Variants in NHSL2 observed in about 807,000 individuals in gnomAD.
The protein encoded by NHSL2 is NHS-like protein 2.
Under a neutral mutation model 53.4 loss-of-function variants are expected in NHSL2, and 27 were observed. The ratio of observed to expected loss-of-function variants is 0.51; its 90% CI spans 0.37 to 0.70. The LOEUF is 0.70. Ranked by LOEUF, NHSL2 falls within the 30% of genes least tolerant of loss-of-function variation. NHSL2 has a pLI of 0.00. For synonymous variants in NHSL2, 408 were observed against 404.1 expected (o/e 1.01, Z -0.12); for missense variants, 892 against 980.1 (o/e 0.91, Z 1.20).
intron 1 of NHSL2, chrX:71,965,975 C>T (rs1463516239): frequency 8.9e-6 from 1 of 112,738 alleles, no homozygotes; most frequent in African/African-American, 3.2e-5. Flanking sequence ...ATACACCAAA[C>T]ATATGGAATG....
intron 1 of NHSL2, chrX:72,131,100 C>A: frequency 1.7e-6 from 2 of 1,206,823 alleles, no homozygotes; most frequent in Non-Finnish European, 1.1e-6. Flanking sequence ...GCCGCTCCAG[C>A]GGTGCCAGAG....
chrX:71,917,255 CT>C (rs2041633080), intron 1 of NHSL2, among the ~76,000 whole-genome samples: 1 of 64,792 alleles, frequency 1.5e-5, no homozygotes, highest in Non-Finnish European at 2.7e-5. Context: ...TCCTCTCTCC[CT>C]CCCCCCTCCC....
intron 1 of NHSL2, among the ~76,000 whole-genome samples, chrX:72,024,146 C>T (rs1003355116): frequency 1.8e-5 from 2 of 111,877 alleles, no homozygotes; most frequent in Admixed American, 1.9e-4. Flanking sequence ...CCTCCCTGAC[C>T]CCTAACAACT....
chrX:72,049,042 A>AGAGGAAGAG (rs764985327), intron 1 of NHSL2, among the ~76,000 whole-genome samples: 29 of 106,166 alleles, frequency 2.7e-4, no homozygotes, highest in African/African-American at 4.2e-4. Context: ...AGGAAGAGGA[A>AGAGGAAGAG]GAAGAAGAAG....
chrX:72,123,491 C>G (rs984876887), intron 1 of NHSL2, among the ~76,000 whole-genome samples: 1 of 111,305 alleles, frequency 9.0e-6, no homozygotes, highest in African/African-American at 3.3e-5. Flanking sequence ...GAGACTAGAG[C>G]CTGCTTCAGT....
Position 72,149,821 on chromosome X carries a change from C to T in NHSL2, c.*6247C>T, listed in dbSNP as rs1408223959. On this transcript the variant is annotated 3_prime_UTR_variant, in exon 8 of 8. Transcript: ENST00000633930. Reference sequence around the variant, plus strand: ...TCTTATTTCTATATTTATCTGCAGTCTTGGAATGTTAGAGCTGAAAGGGAC... The same window carrying T: ...TCTTATTTCTATATTTATCTGCAGTTTTGGAATGTTAGAGCTGAAAGGGAC... 2 of 111,867 alleles carry T rather than the reference C, an allele frequency of 1.8e-5. No homozygotes were observed. Among genetic ancestry groups the T allele is most frequent in the Non-Finnish European group, 3.8e-5 (2 of 53,213 alleles). 9.2% of individuals were successfully genotyped at this position (111,867 alleles called of 1,213,427 possible).
intron 1 of NHSL2, among the ~76,000 whole-genome samples, chrX:71,977,466 G>C (rs944069898): frequency 6.9e-5 from 7 of 100,793 alleles, no homozygotes; most frequent in Non-Finnish European, 1.4e-4. Flanking sequence ...TTGTCATTCA[G>C]GCTGGAGTGC....
chrX:72,022,221 A>AC (rs1415046649), intron 1 of NHSL2, among the ~76,000 whole-genome samples: 10 of 111,706 alleles, frequency 9.0e-5, no homozygotes, highest in Non-Finnish European at 1.9e-4. Flanking sequence ...GAAGAGCTCC[A>AC]CCCCAACTCA....
chrX:72,152,775 T>G lies in NHSL2; in HGVS notation c.*9201T>G, dbSNP rs1299462334. ...AAACAGTTCCTTTATGCCTTCTGTT[T>G]AGGATTTCCAGAATTAGGAAGGGAA... On this transcript the variant is annotated 3_prime_UTR_variant, in exon 8 of 8. Coordinates refer to ENST00000633930, the MANE Select transcript of NHSL2 (RefSeq NM_001013627.3). 1 of 112,801 alleles carries G rather than the reference T, an allele frequency of 8.9e-6. No homozygotes were observed. The allele number at this position is 112,801 out of a possible 1,213,427, so 9.3% of individuals were successfully genotyped here.
intron 1 of NHSL2, among the ~76,000 whole-genome samples, chrX:71,947,727 C>A (rs2041799631): frequency 1.8e-5 from 2 of 112,405 alleles, no homozygotes; most frequent in South Asian, 7.4e-4. Context: ...AACACACTGT[C>A]TTCGACACTG....
chrX:71,922,173 C>G (rs1041176277), intron 1 of NHSL2, among the ~76,000 whole-genome samples: 38 of 112,080 alleles, frequency 3.4e-4, no homozygotes, highest in African/African-American at 1.0e-3. Flanking sequence ...CCTTCATGAT[C>G]GCAACAGAAA....
chrX:71,944,379 G>A (rs182889445), intron 1 of NHSL2, among the ~76,000 whole-genome samples: 1 of 112,333 alleles, frequency 8.9e-6, no homozygotes, highest in Admixed American at 9.4e-5. Flanking sequence ...AGTTTAGAGA[G>A]TAAGTGGCCT....
At chrX:72,067,522 G>C (rs1431630096) in intron 1 of NHSL2, among the ~76,000 whole-genome samples, 1 of 111,892 alleles carries the variant, frequency 8.9e-6, no homozygotes, top group Non-Finnish European at 1.9e-5. Flanking sequence ...CTCATACCTA[G>C]GACCCATCAC....
intron 1 of NHSL2, among the ~76,000 whole-genome samples, chrX:71,960,533 GT>G (rs1569466680): frequency 1.8e-5 from 2 of 112,015 alleles, no homozygotes; most frequent in Non-Finnish European, 1.9e-5. Flanking sequence ...TAGTTCTTAC[GT>G]TTTGGTCTTT....
At chrX:72,032,719 C>T (rs916548847) in intron 1 of NHSL2, among the ~76,000 whole-genome samples, 1 of 110,702 alleles carries the variant, frequency 9.0e-6, no homozygotes. Flanking sequence ...ATTATCCTGG[C>T]GTGGTGGTGC....
At chrX:72,093,472 C>G (rs2041913727) in intron 1 of NHSL2, among the ~76,000 whole-genome samples, 1 of 112,287 alleles carries the variant, frequency 8.9e-6, no homozygotes, top group Admixed American at 9.4e-5. Context: ...GAATACCTGG[C>G]CTTGTGCTGT....
chrX:72,007,479 T>G (rs1396870527), intron 1 of NHSL2, among the ~76,000 whole-genome samples: 1 of 111,860 alleles, frequency 8.9e-6, no homozygotes, highest in Non-Finnish European at 1.9e-5. Flanking sequence ...CCTCAGAGAG[T>G]TCTTCTTAAG....
intron 1 of NHSL2, among the ~76,000 whole-genome samples, chrX:71,953,529 GCC>G (rs998132769): frequency 9.0e-6 from 1 of 111,556 alleles, no homozygotes; most frequent in African/African-American, 3.3e-5. Flanking sequence ...TGTGAAGGTA[GCC>G]CCCAAGTGAC....
At chrX:71,921,940 C>CCACATTTGTA (rs1384937342) in intron 1 of NHSL2, among the ~76,000 whole-genome samples, 1 of 111,833 alleles carries the variant, frequency 8.9e-6, no homozygotes. Context: ...AATGTATTAT[C>CCACATTTGTA]CACATTTGTA....
Sources: allele counts gnomAD v4.1 joint callset (sites outside exome capture counted in the v4.1 genomes callset), GRCh38; gene constraint gnomAD v4.1.1; transcripts MANE v1.5; gene names NCBI Gene and HGNC (gene_info 2026-07-23, HGNC 2026-07-21).